The following MEIS1 variants were observed in gnomAD, a reference collection of about 807,000 sequenced individuals.
MEIS1 encodes the protein homeobox protein Meis1.
Under a neutral mutation model 50.8 loss-of-function variants are expected in MEIS1, and 5 were observed. The ratio of observed to expected loss-of-function variants is 0.10; its 90% CI spans 0.05 to 0.21. The LOEUF is 0.21. MEIS1 is among the 10% of genes least tolerant of loss of function. The pLI, the probability that MEIS1 is intolerant of heterozygous loss-of-function variation, is 1.00. For missense variants in MEIS1, 318 were observed against 517.3 expected (o/e 0.61, Z 3.74); for synonymous variants, 176 against 179.3 (o/e 0.98, Z 0.15).
At chr2:66,543,225 C>A (rs1237609453) in intron 8 of MEIS1, among the ~76,000 whole-genome samples, 1 of 152,082 alleles carries the variant, frequency 6.6e-6, no homozygotes, top group Non-Finnish European at 1.5e-5. Flanking sequence ...TTAACTATTT[C>A]TTTTATACAG....
intron 7 of MEIS1, among the ~76,000 whole-genome samples, chr2:66,488,618 C>T (rs533880411): frequency 1.3e-5 from 2 of 152,250 alleles, no homozygotes; most frequent in Admixed American, 6.5e-5. Flanking sequence ...GCAGAGCTTG[C>T]AGTGAGCCGA....
At chr2:66,484,273 C>G (rs1265137912) in intron 7 of MEIS1, among the ~76,000 whole-genome samples, 1 of 152,064 alleles carries the variant, frequency 6.6e-6, no homozygotes, top group Non-Finnish European at 1.5e-5. Flanking sequence ...TGCTGACTAC[C>G]CGCTCACCCT....
At chr2:66,483,969 C>A (rs1040937282) in intron 7 of MEIS1, among the ~76,000 whole-genome samples, 2 of 152,090 alleles carry the variant, frequency 1.3e-5, no homozygotes, top group African/African-American at 4.8e-5. Flanking sequence ...ATTGGGTAGT[C>A]TGGCCTTTGA....
chr2:66,442,097 G>C (rs1408795771), intron 5 of MEIS1, among the ~76,000 whole-genome samples: 1 of 152,084 alleles, frequency 6.6e-6, no homozygotes, highest in Non-Finnish European at 1.5e-5. Flanking sequence ...GATTTTGCTA[G>C]CTGTTCTATA....
chr2:66,521,265 C>T (rs1044958428), intron 8 of MEIS1, among the ~76,000 whole-genome samples: 1 of 152,204 alleles, frequency 6.6e-6, no homozygotes, highest in Non-Finnish European at 1.5e-5. Flanking sequence ...ATGTCTGTTA[C>T]CAACAATGTC....
At chr2:66,452,181 G>C (rs899105858) in intron 6 of MEIS1, among the ~76,000 whole-genome samples, 1 of 151,762 alleles carries the variant, frequency 6.6e-6, no homozygotes, top group African/African-American at 2.4e-5. Flanking sequence ...TATAATCCAC[G>C]CTTGAGAATA....
At chr2:66,543,748 A>G (rs1212122489) in intron 8 of MEIS1, among the ~76,000 whole-genome samples, 1 of 152,236 alleles carries the variant, frequency 6.6e-6, no homozygotes, top group Non-Finnish European at 1.5e-5. Context: ...AATGTGTTGC[A>G]GTTCTCCCAG....
chr2:66,482,310 A>C (rs1182304343), intron 7 of MEIS1, among the ~76,000 whole-genome samples: 1 of 152,162 alleles, frequency 6.6e-6, no homozygotes, highest in Non-Finnish European at 1.5e-5. Context: ...GCCTCACACC[A>C]CCACCCTTAT....
intron 8 of MEIS1, among the ~76,000 whole-genome samples, chr2:66,534,767 A>G (rs1301864958): frequency 6.6e-6 from 1 of 152,176 alleles, no homozygotes; most frequent in Non-Finnish European, 1.5e-5. Context: ...AGAAAAACAC[A>G]TTACATAAAG....
chr2:66,495,237 T>C (rs1673373415), intron 7 of MEIS1, among the ~76,000 whole-genome samples: 1 of 152,130 alleles, frequency 6.6e-6, no homozygotes, highest in Admixed American at 6.5e-5. Flanking sequence ...GCTTTTCTGC[T>C]GGAGATCATC....
chr2:66,447,685 C>CA (rs1322620054), intron 6 of MEIS1, among the ~76,000 whole-genome samples: 1 of 152,082 alleles, frequency 6.6e-6, no homozygotes, highest in Non-Finnish European at 1.5e-5. Context: ...TTAATAGGGA[C>CA]ACTTTTAAAA....
intron 7 of MEIS1, among the ~76,000 whole-genome samples, chr2:66,486,108 C>A (rs1673136258): frequency 6.6e-6 from 1 of 152,230 alleles, no homozygotes; most frequent in East Asian, 1.9e-4. Flanking sequence ...TTAATTAGAT[C>A]CCATTTGTCT....
In MEIS1 at chr2:66,571,368, C is replaced by T. The variant is rs1383635627; in HGVS notation, c.*160C>T. ...TCCTGCTCAGCTGCGTCATGGGCCC[C>T]CCATGCATACGTACATTCCTGGACA... On this transcript the variant is annotated 3_prime_UTR_variant, in exon 13 of 13. Transcript: ENST00000272369. 1.9e-6 allele frequency: 3 copies of T among 1,602,086 alleles called. No homozygotes were observed. Among genetic ancestry groups the T allele is most frequent in the Non-Finnish European group, 2.6e-6 (3 of 1,174,556 alleles).
chr2:66,442,069 A>T (rs1671999510), intron 5 of MEIS1, among the ~76,000 whole-genome samples: 1 of 152,160 alleles, frequency 6.6e-6, no homozygotes, highest in Non-Finnish European at 1.5e-5. Context: ...ACACTCAAGA[A>T]AGGGTGTGGG....
intron 6 of MEIS1, chr2:66,461,840 T>C (rs931757336): frequency 2.1e-6 from 1 of 469,892 alleles, no homozygotes; most frequent in African/African-American, 2.0e-5. Flanking sequence ...GGAAAATCTT[T>C]TCATGGTGAA....
At chr2:66,485,393 T>C (rs1673118095) in intron 7 of MEIS1, among the ~76,000 whole-genome samples, 1 of 152,222 alleles carries the variant, frequency 6.6e-6, no homozygotes, top group African/African-American at 2.4e-5. Context: ...CTGACAATGA[T>C]GGTTTCCAGC....
intron 6 of MEIS1, among the ~76,000 whole-genome samples, chr2:66,459,788 A>C (rs973345425): frequency 3.3e-5 from 5 of 152,144 alleles, no homozygotes; most frequent in African/African-American, 1.2e-4. Context: ...AAAAGGAATG[A>C]GTAGGAAGTT....
intron 7 of MEIS1, among the ~76,000 whole-genome samples, chr2:66,470,430 A>G (rs755524800): frequency 6.6e-6 from 1 of 152,228 alleles, no homozygotes; most frequent in Non-Finnish European, 1.5e-5. Context: ...AATGAGATGT[A>G]GAGACAGAGA....
chr2:66,533,759 C>T (rs185689178), intron 8 of MEIS1, among the ~76,000 whole-genome samples: 1 of 152,238 alleles, frequency 6.6e-6, no homozygotes, highest in East Asian at 1.9e-4. Flanking sequence ...CACATTAAGT[C>T]AAGCATGGGG....
Sources: gnomAD v4.1 joint callset for allele counts (sites outside exome capture counted in the v4.1 genomes callset) on GRCh38, gnomAD v4.1.1 for gene constraint, MANE v1.5 for transcripts, NCBI Gene and HGNC (gene_info 2026-07-23, HGNC 2026-07-21) for gene names.